The following PPARGC1B variants were observed in gnomAD, a reference collection of about 807,000 sequenced individuals.
The protein encoded by PPARGC1B is PPARG coactivator 1 beta.
A neutral mutation model predicts 101.6 loss-of-function variants in PPARGC1B; 34 were observed. The ratio of observed to expected loss-of-function variants is 0.33; its 90% CI spans 0.25 to 0.45. The LOEUF is 0.45. Among genes scored for constraint, PPARGC1B ranks in the 20% least tolerant of loss-of-function variants. PPARGC1B has a pLI of 1.00. For missense variants in PPARGC1B, 1,234 were observed against 1,317.6 expected (o/e 0.94, Z 0.98); for synonymous variants, 548 against 539.3 (o/e 1.02, Z -0.22).
At chr5:149,838,900 A>G (rs975612519) in intron 8 of PPARGC1B, among the ~76,000 whole-genome samples, 57 of 152,232 alleles carry the variant, frequency 3.7e-4, no homozygotes, top group African/African-American at 1.1e-3. Flanking sequence ...TGGGTTAACA[A>G]CACAAATCTT....
intron 1 of PPARGC1B, among the ~76,000 whole-genome samples, chr5:149,731,242 G>T (rs114932121): frequency 0.013 from 1,972 of 152,316 alleles, 31 homozygotes; most frequent in African/African-American, 0.045. Context: ...GTGCCGGGGC[G>T]CGGGGGAGCG....
intron 5 of PPARGC1B, among the ~76,000 whole-genome samples, chr5:149,834,123 G>A (rs1163062944): frequency 6.6e-6 from 1 of 152,238 alleles, no homozygotes; most frequent in African/African-American, 2.4e-5. Flanking sequence ...TGACAGAAGC[G>A]TAAGGCTATA....
rs1184832440 is a variant in PPARGC1B, at chr5:149,852,825, C to G, written c.*5267C>G. On this transcript the variant is annotated 3_prime_UTR_variant, in exon 12 of 12. Coordinates refer to ENST00000309241, the MANE Select transcript of PPARGC1B (RefSeq NM_133263.4). ...TTGATCGCGCTGCATATGTTTAGGG[C>G]AGCTTTTGTTTTTTGTTTCTTTAAT... 1.3e-5 allele frequency: 2 copies of G among 151,560 alleles called. No homozygotes were observed. Among genetic ancestry groups the G allele is most frequent in the African/African-American group, 4.9e-5 (2 of 41,204 alleles). The allele number at this position is 151,560 out of a possible 1,614,324, so 9.4% of individuals were successfully genotyped here. A position where few individuals can be genotyped will look rare whatever the true frequency, so the allele number is the denominator to read the frequency against.
chr5:149,796,526 A>C (rs997302182), intron 1 of PPARGC1B, among the ~76,000 whole-genome samples: 1 of 152,138 alleles, frequency 6.6e-6, no homozygotes, highest in Non-Finnish European at 1.5e-5. Context: ...TTTAAAGATA[A>C]TTTTGGCTAC....
At chr5:149,758,061 C>A (rs4705371) in intron 1 of PPARGC1B, among the ~76,000 whole-genome samples, 50,219 of 152,128 alleles carry the variant, frequency 0.33, 8,791 homozygotes, top group Non-Finnish European at 0.39. Context: ...ATAACCCCTG[C>A]CCACCTCCAA....
Position 149,836,366 on chromosome 5 carries a change from C to T in PPARGC1B, c.1911C>T (p.Pro637=), listed in dbSNP as rs750182625. The change falls in exon 8 of 12, where the codon CCC becomes CCT. Residue 637 remains proline (P), a synonymous_variant. Coordinates refer to ENST00000309241, the MANE Select transcript of PPARGC1B (RefSeq NM_133263.4). ...GCAAAGAAATAGCTCTCAGCCTCCC[C>T]TCCCCTGAGGGCCTCTCACTCAAGG... ...SLGKEIALSL[P]SPEGLSLKAT... 7 of 1,613,988 alleles carry T rather than the reference C, an allele frequency of 4.3e-6. No homozygotes were observed. The highest frequency in any genetic ancestry group is 5.1e-6 in the Non-Finnish European group (6 of 1,180,030).
chr5:149,772,613 G>A (rs1281181087), intron 1 of PPARGC1B, among the ~76,000 whole-genome samples: 1 of 152,120 alleles, frequency 6.6e-6, no homozygotes, highest in Non-Finnish European at 1.5e-5. Context: ...GTGGTCTTTG[G>A]TCTGTGTGTG....
At chr5:149,733,288 G>T (rs1377630490) in intron 1 of PPARGC1B, among the ~76,000 whole-genome samples, 3 of 152,198 alleles carry the variant, frequency 2.0e-5, no homozygotes, top group Admixed American at 1.3e-4. Context: ...GCAGAACAAG[G>T]ATTGCGAAAG....
intron 1 of PPARGC1B, among the ~76,000 whole-genome samples, chr5:149,785,288 C>T (rs553112709): frequency 2.0e-5 from 3 of 152,216 alleles, no homozygotes; most frequent in Non-Finnish European, 4.4e-5. Flanking sequence ...AGCAGCATGG[C>T]CTTTGCAGCC....
intron 1 of PPARGC1B, among the ~76,000 whole-genome samples, chr5:149,745,289 A>G (rs2113100446): frequency 6.6e-6 from 1 of 152,296 alleles, no homozygotes; most frequent in African/African-American, 2.4e-5. Context: ...GAATGATAAT[A>G]GGACTTACCT....
At chr5:149,765,351 C>T (rs1055569491) in intron 1 of PPARGC1B, among the ~76,000 whole-genome samples, 1 of 152,238 alleles carries the variant, frequency 6.6e-6, no homozygotes, top group African/African-American at 2.4e-5. Flanking sequence ...ACCCCGAGCT[C>T]AGGCCTAGCC....
At chr5:149,825,051 A>C (rs1478305650) in intron 2 of PPARGC1B, among the ~76,000 whole-genome samples, 4 of 151,416 alleles carry the variant, frequency 2.6e-5, no homozygotes, top group Non-Finnish European at 4.4e-5. Context: ...AGAGTGCCGG[A>C]GGAGGCATCA....
chr5:149,807,762 A>G (rs1581077061), intron 1 of PPARGC1B, among the ~76,000 whole-genome samples: 1 of 152,158 alleles, frequency 6.6e-6, no homozygotes, highest in East Asian at 1.9e-4. Context: ...GGCTGGAGCA[A>G]TTCCACAGCA....
At chr5:149,781,287 A>T (rs1581046171) in intron 1 of PPARGC1B, among the ~76,000 whole-genome samples, 4 of 151,690 alleles carry the variant, frequency 2.6e-5, no homozygotes, top group Middle Eastern at 3.3e-3. Flanking sequence ...GCTTCCTGTC[A>T]TGGGAGATAT....
rs56098088 is a variant in PPARGC1B, at chr5:149,748,286, GAGATATAGATAT to G, written c.78+17892_78+17903del. ...TTCCTCACCTGTGAAATGGGGTGAA[GAGATATAGATAT>G]AGATATAGATATAGATATAGATATA... is the stretch of plus-strand genomic sequence containing the variant. On this transcript the variant is annotated intron_variant, in intron 1 of 11. Coordinates refer to ENST00000309241, the MANE Select transcript of PPARGC1B (RefSeq NM_133263.4). Among the ~76,000 whole-genome samples the G allele has an allele frequency of 4.8e-4, 71 of 148,428 alleles. No homozygotes were observed. The South Asian group carries it at 9.2e-3, about 19-fold the overall frequency.
rs563602724 is a variant in PPARGC1B, at chr5:149,771,000, G to T, written c.78+40580G>T. ...TCGTTTATGTGGGTGGGGCTACTCT[G>T]CAGACGAGGACCTCAGGCTTTGAAG... is the stretch of plus-strand genomic sequence containing the variant. On this transcript the variant is annotated intron_variant, in intron 1 of 11. Transcript: ENST00000309241. 2.6e-5 allele frequency among the ~76,000 whole-genome samples: 4 copies of T among 152,268 alleles called. No individual in the cohort carries two copies. In the East Asian group the frequency reaches 5.8e-4, roughly 22 times the overall value.
intron 1 of PPARGC1B, among the ~76,000 whole-genome samples, chr5:149,742,514 G>A (rs1754947575): frequency 6.6e-6 from 1 of 152,204 alleles, no homozygotes; most frequent in Non-Finnish European, 1.5e-5. Flanking sequence ...GGAGAGCTCT[G>A]ACTGTGCTGA....
intron 1 of PPARGC1B, among the ~76,000 whole-genome samples, chr5:149,789,320 G>C (rs1358340826): frequency 6.6e-6 from 1 of 152,180 alleles, no homozygotes; most frequent in African/African-American, 2.4e-5. Context: ...CAAGATGGGG[G>C]CTTGCCTGGG....
intron 9 of PPARGC1B, 66 bp from the exon 10 acceptor site, chr5:149,842,190 A>T: frequency 6.3e-7 from 1 of 1,590,934 alleles, no homozygotes; most frequent in Middle Eastern, 2.3e-4. Context: ...ACGGGAGCCC[A>T]CTCCCAGAGG....
Sources: gnomAD v4.1 joint callset for allele counts (sites outside exome capture counted in the v4.1 genomes callset) on GRCh38, gnomAD v4.1.1 for gene constraint, MANE v1.5 for transcripts, NCBI Gene and HGNC (gene_info 2026-07-23, HGNC 2026-07-21) for gene names.